The following HPSE2 variants were observed in gnomAD, a reference collection of about 807,000 sequenced individuals.
The protein encoded by HPSE2 is inactive heparanase-2.
HPSE2 carries 38 observed loss-of-function variants against 60.5 expected under a neutral mutation model. The ratio of observed to expected loss-of-function variants is 0.63; its 90% CI spans 0.48 to 0.82. The LOEUF (loss-of-function observed/expected upper bound fraction) is 0.82, where lower values mean the gene tolerates loss of function less well. Ranked by LOEUF, HPSE2 falls within the 40% of genes least tolerant of loss-of-function variation. The pLI is 0.00. For missense variants in HPSE2, 713 were observed against 740.4 expected, an observed-to-expected ratio of 0.96 and a Z score of 0.43; for synonymous variants, 295 against 293.2, an observed-to-expected ratio of 1.01 and a Z score of -0.06.
At chr10:99,297,131 C>T in the HPSE2 span, among the ~76,000 whole-genome samples, 3 of 151,988 alleles carry the variant, frequency 2.0e-5, no homozygotes, top group Non-Finnish European at 4.4e-5. Context: ...TTCTCCCCAC[C>T]GCAGCCTGGT....
At chr10:98,470,803 A>C (rs1327071297) in intron 11 of HPSE2, among the ~76,000 whole-genome samples, 2 of 151,058 alleles carry the variant, frequency 1.3e-5, no homozygotes. Flanking sequence ...GGAGGTGAAG[A>C]GGGGATACCA....
intron 2 of HPSE2, among the ~76,000 whole-genome samples, chr10:99,232,063 A>G (rs1849661400): frequency 6.6e-6 from 1 of 152,176 alleles, no homozygotes; most frequent in African/African-American, 2.4e-5. Flanking sequence ...AAAGGCCGGC[A>G]GCTGGGTGAG....
At chr10:98,534,907 A>G (rs964522472) in intron 9 of HPSE2, among the ~76,000 whole-genome samples, 4 of 152,192 alleles carry the variant, frequency 2.6e-5, no homozygotes, top group African/African-American at 9.6e-5. Flanking sequence ...ACTTTTTTTG[A>G]AGAAAGCTTC....
At chr10:99,208,471 G>A (rs1848837664) in intron 2 of HPSE2, among the ~76,000 whole-genome samples, 2 of 152,096 alleles carry the variant, frequency 1.3e-5, no homozygotes, top group Non-Finnish European at 2.9e-5. Flanking sequence ...TATTTCTTGA[G>A]CCCAGGAATT....
At chr10:99,261,463 C>G in the HPSE2 span, among the ~76,000 whole-genome samples, 2 of 152,072 alleles carry the variant, frequency 1.3e-5, no homozygotes, top group Admixed American at 6.5e-5. Flanking sequence ...CTCCTTTTTT[C>G]TTTATCTAAC....
chr10:99,266,307 C>A, the HPSE2 span, among the ~76,000 whole-genome samples: 2 of 152,006 alleles, frequency 1.3e-5, no homozygotes, highest in Non-Finnish European at 2.9e-5. Flanking sequence ...GCTGTTGTGG[C>A]GGCATGGTGG....
intron 3 of HPSE2, among the ~76,000 whole-genome samples, chr10:98,987,230 C>A (rs1221080042): frequency 6.6e-6 from 1 of 152,004 alleles, no homozygotes; most frequent in Non-Finnish European, 1.5e-5. Flanking sequence ...TAATGAACAT[C>A]GACGCAAAAA....
At chr10:98,830,617 T>A (rs1486463498) in intron 3 of HPSE2, among the ~76,000 whole-genome samples, 5 of 152,206 alleles carry the variant, frequency 3.3e-5, no homozygotes, top group African/African-American at 1.2e-4. Flanking sequence ...TGTGTAGACA[T>A]AAGCAAGGCT....
chr10:98,466,483 T>A (rs1019379367), intron 11 of HPSE2, among the ~76,000 whole-genome samples: 1 of 151,736 alleles, frequency 6.6e-6, no homozygotes, highest in South Asian at 2.1e-4. Context: ...TGGTGGTAGG[T>A]GCCTGTAATC....
chr10:98,657,617 G>A (rs1422565357), intron 6 of HPSE2, among the ~76,000 whole-genome samples: 1 of 152,014 alleles, frequency 6.6e-6, no homozygotes. Context: ...GATTACAGGC[G>A]TGAGCCACCA....
the HPSE2 span, among the ~76,000 whole-genome samples, chr10:99,297,421 G>A: frequency 2.0e-5 from 3 of 152,234 alleles, no homozygotes. Flanking sequence ...ATAGTATCAG[G>A]AGAACTAGGG....
At chr10:98,847,764 T>C (rs1213674338) in intron 3 of HPSE2, among the ~76,000 whole-genome samples, 4 of 152,222 alleles carry the variant, frequency 2.6e-5, no homozygotes, top group Non-Finnish European at 4.4e-5. Flanking sequence ...TGTGTGACCA[T>C]ATTTTATCAG....
chr10:98,583,932 C>A (rs1305601001), intron 9 of HPSE2, among the ~76,000 whole-genome samples: 1 of 152,154 alleles, frequency 6.6e-6, no homozygotes, highest in African/African-American at 2.4e-5. Context: ...GCTGTTTCCA[C>A]TTTTTAGCAA....
At chr10:98,463,824 A>G (rs1940412165) in intron 11 of HPSE2, among the ~76,000 whole-genome samples, 2 of 151,066 alleles carry the variant, frequency 1.3e-5, no homozygotes. Flanking sequence ...AAAAAGGTAG[A>G]AAACATTTTT....
At chr10:99,205,441 G>T (rs1848712932) in intron 2 of HPSE2, among the ~76,000 whole-genome samples, 1 of 152,050 alleles carries the variant, frequency 6.6e-6, no homozygotes, top group Non-Finnish European at 1.5e-5. Flanking sequence ...AATTAGCCAG[G>T]CATGGTGGCA....
intron 3 of HPSE2, among the ~76,000 whole-genome samples, chr10:98,984,071 G>A (rs1956275511): frequency 6.6e-6 from 1 of 152,200 alleles, no homozygotes. Context: ...TGGGGGCAGA[G>A]CATAGCAAAA....
chr10:99,268,359 C>T, the HPSE2 span, among the ~76,000 whole-genome samples: 1 of 152,084 alleles, frequency 6.6e-6, no homozygotes, highest in Non-Finnish European at 1.5e-5. Flanking sequence ...AAGCATAAAT[C>T]TCGGCCAGGT....
intron 3 of HPSE2, among the ~76,000 whole-genome samples, chr10:99,102,873 G>T (rs950517132): frequency 3.2e-4 from 49 of 152,222 alleles, no homozygotes; most frequent in Admixed American, 2.2e-3. Flanking sequence ...CAGAACCAAA[G>T]ACAAAAACCA....
chr10:98,617,323 G>A (rs1374359508), intron 8 of HPSE2, among the ~76,000 whole-genome samples: 1 of 152,254 alleles, frequency 6.6e-6, no homozygotes, highest in East Asian at 1.9e-4. Flanking sequence ...CCATGTAAAT[G>A]CCTGTGTATA....
Sources: gnomAD v4.1 joint callset for allele counts (sites outside exome capture counted in the v4.1 genomes callset) on GRCh38, gnomAD v4.1.1 for gene constraint, MANE v1.5 for transcripts, NCBI Gene and HGNC (gene_info 2026-07-23, HGNC 2026-07-21) for gene names.